The following PTPRK variants were observed in gnomAD, a reference collection of about 807,000 sequenced individuals.
The protein encoded by PTPRK is protein tyrosine phosphatase receptor type K.
PTPRK carries 75 observed loss-of-function variants against 178.0 expected under a neutral mutation model. The ratio of observed to expected loss-of-function variants is 0.42; its 90% CI spans 0.35 to 0.51. The LOEUF is 0.51. PTPRK is among the 20% of genes least tolerant of loss of function. The pLI, the probability that PTPRK is intolerant of heterozygous loss-of-function variation, is 0.02. For missense variants in PTPRK, 1,441 were observed against 1,797.8 expected, an observed-to-expected ratio of 0.80 and a Z score of 3.59; for synonymous variants, 637 against 620.6, an observed-to-expected ratio of 1.03 and a Z score of -0.39.
At chr6:127,998,539 T>A (rs1386059971) in intron 16 of PTPRK, among the ~76,000 whole-genome samples, 181 bp downstream of exon 16, 1 of 152,018 alleles carries the variant, frequency 6.6e-6, no homozygotes, top group Non-Finnish European at 1.5e-5. Context: ...GAAGTGCTTT[T>A]TTCCCCATTC....
chr6:128,496,601 G>A (rs1277798531), intron 1 of PTPRK, among the ~76,000 whole-genome samples: 4 of 152,150 alleles, frequency 2.6e-5, no homozygotes, highest in Admixed American at 2.6e-4. Flanking sequence ...TGTCCTGAAC[G>A]ATCAGAAAGA....
intron 7 of PTPRK, among the ~76,000 whole-genome samples, chr6:128,106,766 T>C (rs1365128189): frequency 6.6e-6 from 1 of 152,150 alleles, no homozygotes; most frequent in African/African-American, 2.4e-5. Flanking sequence ...GGGAGAATTG[T>C]TTAAAAAGTT....
intron 1 of PTPRK, among the ~76,000 whole-genome samples, chr6:128,515,258 A>G (rs1175180630): frequency 6.6e-6 from 1 of 152,258 alleles, no homozygotes; most frequent in Non-Finnish European, 1.5e-5. Context: ...AGATTAGTTC[A>G]TGGATATGCA....
chr6:127,986,169 A>G (rs1437580824), intron 21 of PTPRK, among the ~76,000 whole-genome samples: 1 of 152,172 alleles, frequency 6.6e-6, no homozygotes, highest in Non-Finnish European at 1.5e-5. Context: ...TGGGAGTGAC[A>G]ACACATTAAA....
intron 1 of PTPRK, among the ~76,000 whole-genome samples, chr6:128,455,606 T>G (rs2128408976): frequency 6.6e-6 from 1 of 152,224 alleles, no homozygotes; most frequent in Admixed American, 6.5e-5. Flanking sequence ...TATTTCAGAG[T>G]GCGATTTGAA....
chr6:128,437,919 G>A (rs1352274064), intron 1 of PTPRK, among the ~76,000 whole-genome samples: 1 of 152,228 alleles, frequency 6.6e-6, no homozygotes, highest in East Asian at 1.9e-4. Flanking sequence ...GCATAGGCGG[G>A]AGAGATCAGT....
At chr6:128,311,112 C>A (rs983121155) in intron 3 of PTPRK, among the ~76,000 whole-genome samples, 23 of 151,964 alleles carry the variant, frequency 1.5e-4, no homozygotes, top group Non-Finnish European at 3.1e-4. Flanking sequence ...GTTTGTAAGC[C>A]AAAAACCTGA....
At chr6:128,102,970 C>T (rs922742601) in intron 7 of PTPRK, among the ~76,000 whole-genome samples, 2 of 152,146 alleles carry the variant, frequency 1.3e-5, no homozygotes, top group South Asian at 2.1e-4. Context: ...CCTGGAAACA[C>T]GTGGCCCTAA....
At chr6:128,165,851 G>A in intron 7 of PTPRK, among the ~76,000 whole-genome samples, 1 of 151,412 alleles carries the variant, frequency 6.6e-6, no homozygotes, top group Non-Finnish European at 1.5e-5. Flanking sequence ...CAGAACAACT[G>A]TAGTTCAATA....
intron 9 of PTPRK, 26 bp from the exon 10 acceptor site, chr6:128,082,664 A>G (rs1478483176): frequency 3.3e-6 from 5 of 1,495,370 alleles, no homozygotes; most frequent in Non-Finnish European, 4.6e-6. Context: ...CATTTATTAC[A>G]TATCTAGTAT....
intron 1 of PTPRK, among the ~76,000 whole-genome samples, chr6:128,429,639 ATGCATTCCAT>A (rs1462314813): frequency 6.6e-6 from 1 of 152,174 alleles, no homozygotes; most frequent in Non-Finnish European, 1.5e-5. Context: ...TCTTTTTACA[ATGCATTCCAT>A]TGCATTCCAG....
intron 27 of PTPRK, among the ~76,000 whole-genome samples, chr6:127,974,673 T>TA (rs1245829109): frequency 1.3e-5 from 2 of 152,220 alleles, no homozygotes; most frequent in Non-Finnish European, 2.9e-5. Flanking sequence ...ATCACACAGT[T>TA]ATGTCAGATC....
At chr6:128,333,094 CT>C (rs1283550159) in intron 2 of PTPRK, among the ~76,000 whole-genome samples, 1 of 152,150 alleles carries the variant, frequency 6.6e-6, no homozygotes, top group African/African-American at 2.4e-5. Flanking sequence ...GCAATAAAGG[CT>C]TTGTCCTGTG....
At chr6:128,353,605 A>C (rs1281988947) in intron 2 of PTPRK, among the ~76,000 whole-genome samples, 1 of 152,226 alleles carries the variant, frequency 6.6e-6, no homozygotes, top group East Asian at 1.9e-4. Context: ...AAAGGTACAT[A>C]GTACATACAT....
intron 13 of PTPRK, among the ~76,000 whole-genome samples, chr6:128,051,985 A>C (rs1779088853): frequency 6.6e-6 from 1 of 152,082 alleles, no homozygotes; most frequent in Non-Finnish European, 1.5e-5. Flanking sequence ...TTAAGTCTTC[A>C]GCTTCCTTGT....
intron 1 of PTPRK, among the ~76,000 whole-genome samples, chr6:128,499,543 T>G (rs1485021445): frequency 1.3e-5 from 2 of 152,248 alleles, no homozygotes. Flanking sequence ...GCAAACTCTA[T>G]GCTCTTTGCA....
chr6:127,972,058 G>A (rs1230876420), intron 29 of PTPRK, among the ~76,000 whole-genome samples: 1 of 152,054 alleles, frequency 6.6e-6, no homozygotes, highest in Non-Finnish European at 1.5e-5. Context: ...GAGGACACCT[G>A]TAGAAAGGGT....
chr6:128,379,907 G>C (rs76518885), intron 2 of PTPRK, among the ~76,000 whole-genome samples: 7,006 of 152,160 alleles, frequency 0.046, 576 homozygotes, highest in African/African-American at 0.16. Flanking sequence ...TAATATTTGT[G>C]TGCTTGTTGG....
intron 1 of PTPRK, among the ~76,000 whole-genome samples, chr6:128,430,287 ACT>A (rs910561244): frequency 1.7e-4 from 26 of 152,332 alleles, no homozygotes; most frequent in African/African-American, 6.0e-4. Context: ...AGTTTCCTCG[ACT>A]GTAAATAGAA....
Sources: gnomAD v4.1 joint callset for allele counts (sites outside exome capture counted in the v4.1 genomes callset) on GRCh38, gnomAD v4.1.1 for gene constraint, MANE v1.5 for transcripts, NCBI Gene and HGNC (gene_info 2026-07-23, HGNC 2026-07-21) for gene names.